COG5: variants seen among roughly 807,000 people sequenced by gnomAD.
COG5 encodes component of oligomeric golgi complex 5.
Under a neutral mutation model 110.4 loss-of-function variants are expected in COG5, and 86 were observed. The ratio of observed to expected loss-of-function variants is 0.78; its 90% CI spans 0.65 to 0.93. The LOEUF (loss-of-function observed/expected upper bound fraction) is 0.93. Among genes scored for constraint, COG5 ranks in the 40% least tolerant of loss-of-function variants. The probability of loss-of-function intolerance (pLI) is 0.00; values close to 1 mark genes in which losing one functional copy is unlikely to be tolerated. For synonymous variants in COG5, 360 were observed against 334.6 expected, an observed-to-expected ratio of 1.08 and a Z score of -0.83; for missense variants, 1,077 against 987.0, an observed-to-expected ratio of 1.09 and a Z score of -1.22.
intron 10 of COG5, among the ~76,000 whole-genome samples, chr7:107,328,924 G>A (rs1458829232): frequency 2.6e-5 from 4 of 152,096 alleles, no homozygotes; most frequent in African/African-American, 9.7e-5. Context: ...GGGCTCAAGC[G>A]ATTCTCCTGC....
intron 17 of COG5, among the ~76,000 whole-genome samples, chr7:107,240,613 G>A (rs1232173639): frequency 6.6e-6 from 1 of 152,186 alleles, no homozygotes; most frequent in African/African-American, 2.4e-5. Flanking sequence ...GAATAGGTGT[G>A]GAGGGCTTGA....
At chr7:107,486,575 T>TAAAAAAGAAAACACTA (rs1337129508) in intron 6 of COG5, among the ~76,000 whole-genome samples, 7 of 151,766 alleles carry the variant, frequency 4.6e-5, no homozygotes, top group Non-Finnish European at 8.8e-5. Context: ...TTAAAAACTA[T>TAAAAAAGAAAACACTA]AAAAAAGAAA....
Position 107,367,529 on chromosome 7 carries a change from C to T in COG5, c.835+5066G>A, listed in dbSNP as rs142872023. Reference sequence around the variant, plus strand: ...GACAGGTAACCAATCTAAGTGTTCACAAAACAATGAGTGGGTAAAGAAACT... The same window carrying T: ...GACAGGTAACCAATCTAAGTGTTCATAAAACAATGAGTGGGTAAAGAAACT... On this transcript the variant is annotated intron_variant, in intron 8 of 21. Coordinates refer to ENST00000297135, the MANE Select transcript of COG5 (RefSeq NM_006348.5). 5.5e-3 allele frequency among the ~76,000 whole-genome samples: 828 copies of T among 151,776 alleles called. 9 individuals are homozygous for T. The highest frequency in any genetic ancestry group is 0.019 in the African/African-American group (806 of 41,388).
At chr7:107,389,641 A>G (rs1283374571) in intron 7 of COG5, among the ~76,000 whole-genome samples, 4 of 152,136 alleles carry the variant, frequency 2.6e-5, no homozygotes, top group Non-Finnish European at 5.9e-5. Flanking sequence ...CAACTATAAC[A>G]TCTTAGACTG....
chr7:107,224,076 T>C (rs997037174), intron 19 of COG5, among the ~76,000 whole-genome samples: 1 of 152,204 alleles, frequency 6.6e-6, no homozygotes, highest in African/African-American at 2.4e-5. Context: ...CTTCTGGCTG[T>C]AACACTGAAA....
At chr7:107,326,462 C>T (rs1024542244) in intron 10 of COG5, among the ~76,000 whole-genome samples, 1 of 151,886 alleles carries the variant, frequency 6.6e-6, no homozygotes, top group Admixed American at 6.6e-5. Context: ...AAGTTGTAGC[C>T]TACAAAATCA....
intron 11 of COG5, among the ~76,000 whole-genome samples, chr7:107,304,837 T>C (rs1807573121): frequency 6.6e-6 from 1 of 152,214 alleles, no homozygotes; most frequent in Admixed American, 6.5e-5. Flanking sequence ...CAAATATACC[T>C]GGAAGGATTT....
At chr7:107,459,278 T>C (rs760873768) in intron 6 of COG5, among the ~76,000 whole-genome samples, 65 of 152,078 alleles carry the variant, frequency 4.3e-4, no homozygotes, top group Non-Finnish European at 7.5e-4. Flanking sequence ...ATGCAAACTA[T>C]ATAGAATGAA....
chr7:107,358,482 A>T (rs1277559308), intron 10 of COG5, among the ~76,000 whole-genome samples: 2 of 152,218 alleles, frequency 1.3e-5, no homozygotes, highest in African/African-American at 2.4e-5. Context: ...AGCAGGGTAA[A>T]GTTACTGATA....
chr7:107,562,240 C>T (rs1243386406), intron 1 of COG5, among the ~76,000 whole-genome samples: 1 of 152,142 alleles, frequency 6.6e-6, no homozygotes, highest in Non-Finnish European at 1.5e-5. Context: ...TGGCAGAGAA[C>T]CAAGGAGGAA....
intron 6 of COG5, among the ~76,000 whole-genome samples, chr7:107,513,374 C>T (rs888193400): frequency 2.5e-4 from 38 of 151,866 alleles, no homozygotes; most frequent in East Asian, 7.7e-4. Context: ...GTTAGAATGG[C>T]GATCATTAAA....
At chr7:107,410,438 G>A (rs893633544) in intron 7 of COG5, among the ~76,000 whole-genome samples, 1 of 151,978 alleles carries the variant, frequency 6.6e-6, no homozygotes, top group African/African-American at 2.4e-5. Flanking sequence ...ACAGACTGAT[G>A]GGTTCATTTT....
intron 11 of COG5, among the ~76,000 whole-genome samples, chr7:107,300,043 C>G (rs1807131574): frequency 1.3e-5 from 2 of 151,370 alleles, no homozygotes; most frequent in Admixed American, 1.3e-4. Context: ...GAAAATCAAT[C>G]AATGTGATTC....
chr7:107,345,661 CA>C (rs1811538506), intron 10 of COG5, among the ~76,000 whole-genome samples: 1 of 151,886 alleles, frequency 6.6e-6, no homozygotes, highest in African/African-American at 2.4e-5. Context: ...CATCAGAGAA[CA>C]TATAGGTAAT....
intron 15 of COG5, among the ~76,000 whole-genome samples, chr7:107,257,424 G>A (rs547777250): frequency 3.0e-4 from 45 of 151,834 alleles, no homozygotes; most frequent in Non-Finnish European, 5.3e-4. Context: ...TTTAGAAACC[G>A]CTAATTGATA....
chr7:107,346,530 T>G (rs546293804), intron 10 of COG5, among the ~76,000 whole-genome samples: 49 of 152,258 alleles, frequency 3.2e-4, no homozygotes, highest in East Asian at 1.2e-3. Flanking sequence ...ATACGGTGAT[T>G]TTTTTTAAAG....
chr7:107,277,077 C>T (rs1043149364), intron 14 of COG5, among the ~76,000 whole-genome samples: 1 of 152,106 alleles, frequency 6.6e-6, no homozygotes, highest in African/African-American at 2.4e-5. Flanking sequence ...TCTAACTATA[C>T]ATTAAGAGCA....
intron 3 of COG5, among the ~76,000 whole-genome samples, chr7:107,549,995 ATC>A (rs1802770319): frequency 6.6e-6 from 1 of 151,990 alleles, no homozygotes; most frequent in African/African-American, 2.4e-5. Context: ...CTCATTCCCT[ATC>A]TCTCTGTCCT....
At chr7:107,563,730 T>C (rs1804202035) in intron 1 of COG5, 73 bp downstream of exon 1, 2 of 1,551,160 alleles carry the variant, frequency 1.3e-6, no homozygotes, top group African/African-American at 1.4e-5. Context: ...ACGGGTTGGG[T>C]CCACCTCGCT....
Sources: allele counts gnomAD v4.1 joint callset (sites outside exome capture counted in the v4.1 genomes callset), GRCh38; gene constraint gnomAD v4.1.1; transcripts MANE v1.5; gene names NCBI Gene and HGNC (gene_info 2026-07-23, HGNC 2026-07-21).